Variants in COBL observed in about 807,000 individuals in gnomAD.
COBL encodes the protein protein cordon-bleu.
Under a neutral mutation model 98.8 loss-of-function variants are expected in COBL, and 51 were observed. The observed-to-expected ratio is 0.52, with a 90% CI of 0.41 to 0.65. The LOEUF (loss-of-function observed/expected upper bound fraction) is 0.65. Ranked by LOEUF, COBL falls within the 30% of genes least tolerant of loss-of-function variation. The pLI, the probability that COBL is intolerant of heterozygous loss-of-function variation, is 0.00. For synonymous variants in COBL, 634 were observed against 651.7 expected (o/e 0.97, Z 0.41); for missense variants, 1,617 against 1,617.5 (o/e 1.00, Z 0.01).
chr7:51,101,353 T>C (rs1209606819), intron 6 of COBL, among the ~76,000 whole-genome samples: 1 of 152,226 alleles, frequency 6.6e-6, no homozygotes, highest in Admixed American at 6.5e-5. Flanking sequence ...TATTAAACAT[T>C]TACTCAGGGT....
chr7:51,157,397 C>T (rs973422767), intron 5 of COBL, among the ~76,000 whole-genome samples: 2 of 152,152 alleles, frequency 1.3e-5, no homozygotes, highest in African/African-American at 4.8e-5. Flanking sequence ...AGGCCCCTGG[C>T]AATGCCAGAG....
intron 1 of COBL, among the ~76,000 whole-genome samples, chr7:51,300,216 AGTGGCATCATGTC>A (rs1386547364): frequency 6.6e-6 from 1 of 152,136 alleles, no homozygotes; most frequent in Non-Finnish European, 1.5e-5. Context: ...GCTGGAGTGC[AGTGGCATCATGTC>A]GGCTCACTGC....
At chr7:51,050,090 C>T (rs568608332) in intron 7 of COBL, among the ~76,000 whole-genome samples, 9 of 152,182 alleles carry the variant, frequency 5.9e-5, no homozygotes, top group Non-Finnish European at 1.2e-4. Flanking sequence ...AAAGACACTG[C>T]ATGATGAAGG....
intron 6 of COBL, among the ~76,000 whole-genome samples, chr7:51,121,841 G>C (rs1311990992): frequency 6.6e-6 from 1 of 152,226 alleles, no homozygotes; most frequent in East Asian, 1.9e-4. Context: ...AAAGGTGAGA[G>C]AAATAATGAA....
intron 7 of COBL, chr7:51,064,880 GCA>G (rs902556812): frequency 7.7e-5 from 34 of 444,138 alleles, no homozygotes; most frequent in African/African-American, 6.2e-4. Context: ...CCAGGCCTGA[GCA>G]CAGTCTCCAG....
chr7:51,278,257 C>G (rs891242169), intron 1 of COBL, among the ~76,000 whole-genome samples: 11 of 152,024 alleles, frequency 7.2e-5, no homozygotes, highest in African/African-American at 2.7e-4. Context: ...AGAAGCCGTC[C>G]CAAGGAAGAG....
At chr7:51,226,296 C>G (rs1794175123) in intron 1 of COBL, among the ~76,000 whole-genome samples, 1 of 152,312 alleles carries the variant, frequency 6.6e-6, no homozygotes, top group East Asian at 1.9e-4. Flanking sequence ...ATGCTGCAGG[C>G]AGAAGGGAGT....
chr7:51,165,288 C>T (rs1022232258), intron 5 of COBL, among the ~76,000 whole-genome samples: 1 of 151,670 alleles, frequency 6.6e-6, no homozygotes. Flanking sequence ...TATTCCATGC[C>T]AATGGAAACC....
chr7:51,219,606 G>A (rs528704652), intron 2 of COBL, 135 bp downstream of exon 2: 13 of 935,474 alleles, frequency 1.4e-5, no homozygotes, highest in Admixed American at 7.2e-5. Flanking sequence ...CACTAAGCCC[G>A]ATTTATATCC....
chr7:51,201,015 C>A (rs1337804515), intron 2 of COBL, among the ~76,000 whole-genome samples: 1 of 151,904 alleles, frequency 6.6e-6, no homozygotes, highest in Non-Finnish European at 1.5e-5. Flanking sequence ...CCGAGGCGGG[C>A]AGATCACGAT....
At chr7:51,092,514 C>T (rs990594164) in intron 6 of COBL, among the ~76,000 whole-genome samples, 3 of 152,076 alleles carry the variant, frequency 2.0e-5, no homozygotes, top group Non-Finnish European at 4.4e-5. Flanking sequence ...TCAAACTTTA[C>T]CAACATCATT....
intron 6 of COBL, among the ~76,000 whole-genome samples, chr7:51,109,787 GACAGAAAGAA>G (rs1796658359): frequency 6.6e-6 from 1 of 152,176 alleles, no homozygotes. Context: ...GTGAGGGGAA[GACAGAAAGAA>G]ACCACTGCAT....
chr7:51,262,483 A>T (rs576959449), intron 1 of COBL, among the ~76,000 whole-genome samples: 69 of 152,264 alleles, frequency 4.5e-4, no homozygotes, highest in African/African-American at 1.6e-3. Flanking sequence ...GACTCCTGCG[A>T]CTCAGGACTG....
chr7:51,038,098 T>C (rs1788812556), intron 8 of COBL, among the ~76,000 whole-genome samples: 2 of 152,180 alleles, frequency 1.3e-5, no homozygotes, highest in African/African-American at 4.8e-5. Flanking sequence ...GTGATCCACC[T>C]GCCTCGGCCT....
chr7:51,136,382 C>T, intron 5 of COBL, 51 bp from the exon 6 acceptor site: 1 of 1,544,764 alleles, frequency 6.5e-7, no homozygotes, highest in East Asian at 2.3e-5. Context: ...GATGACTTCT[C>T]CCCGTATGAA....
At chr7:51,246,110 CTTT>C (rs1382713488) in intron 1 of COBL, among the ~76,000 whole-genome samples, 1 of 152,078 alleles carries the variant, frequency 6.6e-6, no homozygotes, top group Admixed American at 6.5e-5. Context: ...TTTCACACTT[CTTT>C]TTATCACTCC....
chr7:51,093,358 A>G (rs1293996506), intron 6 of COBL, among the ~76,000 whole-genome samples: 1 of 152,228 alleles, frequency 6.6e-6, no homozygotes, highest in Non-Finnish European at 1.5e-5. Context: ...TAGAATGGCT[A>G]TGACAAAAAA....
intron 5 of COBL, among the ~76,000 whole-genome samples, chr7:51,154,293 A>G (rs1425622034): frequency 6.6e-6 from 1 of 152,212 alleles, no homozygotes; most frequent in African/African-American, 2.4e-5. Flanking sequence ...GCTGGACCTC[A>G]TAAGAACAGG....
intron 7 of COBL, among the ~76,000 whole-genome samples, chr7:51,060,538 C>A (rs1240898202): frequency 7.5e-6 from 1 of 133,808 alleles, no homozygotes; most frequent in Non-Finnish European, 1.6e-5. Context: ...GGTAGCAGTA[C>A]CTTAGAGGGC....
Sources: gnomAD v4.1 joint callset for allele counts (sites outside exome capture counted in the v4.1 genomes callset) on GRCh38, gnomAD v4.1.1 for gene constraint, MANE v1.5 for transcripts, NCBI Gene and HGNC (gene_info 2026-07-23, HGNC 2026-07-21) for gene names.